LRP1B: variants seen among roughly 807,000 people sequenced by gnomAD.
LRP1B encodes the protein low-density lipoprotein receptor-related protein 1B.
LRP1B carries 217 observed loss-of-function variants against 556.6 expected under a neutral mutation model. That is an observed-to-expected ratio of 0.39 (90% confidence interval 0.35 to 0.44). LRP1B has a LOEUF of 0.44. Among genes scored for constraint, LRP1B ranks in the 20% least tolerant of loss-of-function variants. The probability of loss-of-function intolerance (pLI) is 1.00; values close to 1 mark genes in which losing one functional copy is unlikely to be tolerated. For synonymous variants in LRP1B, 2,047 were observed against 1,865.8 expected (o/e 1.10, Z -2.50); for missense variants, 5,053 against 5,620.8 (o/e 0.90, Z 3.23).
chr2:141,851,770 A>G (rs532684679), intron 1 of LRP1B, among the ~76,000 whole-genome samples: 3 of 151,886 alleles, frequency 2.0e-5, no homozygotes, highest in South Asian at 4.2e-4. Flanking sequence ...GCTTTCCGCC[A>G]CATGGACAAG....
At chr2:140,385,202 G>A (rs1391545346) in intron 67 of LRP1B, among the ~76,000 whole-genome samples, 1 of 152,076 alleles carries the variant, frequency 6.6e-6, no homozygotes, top group Non-Finnish European at 1.5e-5. Context: ...TCATGATCAT[G>A]CCACTGCTCT....
intron 43 of LRP1B, among the ~76,000 whole-genome samples, chr2:140,571,344 G>A (rs934412466): frequency 7.3e-5 from 11 of 151,526 alleles, no homozygotes; most frequent in South Asian, 4.1e-4. Flanking sequence ...TACAAAAAAT[G>A]GTAACATTTC....
At chr2:140,896,711 G>A (rs1308275574) in intron 23 of LRP1B, among the ~76,000 whole-genome samples, 3 of 152,020 alleles carry the variant, frequency 2.0e-5, no homozygotes, top group Non-Finnish European at 2.9e-5. Flanking sequence ...GAATGCCTGG[G>A]CTCAATAGAT....
At chr2:141,148,174 G>C (rs1446112730) in intron 7 of LRP1B, among the ~76,000 whole-genome samples, 1 of 152,098 alleles carries the variant, frequency 6.6e-6, no homozygotes, top group Non-Finnish European at 1.5e-5. Context: ...GTTGTGAATT[G>C]GGCCTTGTGG....
chr2:141,465,024 A>G (rs1411132874), intron 3 of LRP1B, among the ~76,000 whole-genome samples: 1 of 152,172 alleles, frequency 6.6e-6, no homozygotes, highest in East Asian at 1.9e-4. Flanking sequence ...TAGGAAATTT[A>G]CCATCAGAAG....
At chr2:141,514,423 C>T (rs988663635) in intron 2 of LRP1B, among the ~76,000 whole-genome samples, 3 of 152,104 alleles carry the variant, frequency 2.0e-5, no homozygotes, top group African/African-American at 7.2e-5. Flanking sequence ...GCTCTGCTCA[C>T]GTCTCTGGGA....
chr2:140,988,963 G>A (rs1697011100), intron 17 of LRP1B, among the ~76,000 whole-genome samples: 1 of 151,970 alleles, frequency 6.6e-6, no homozygotes, highest in Non-Finnish European at 1.5e-5. Flanking sequence ...TATACCACAA[G>A]CTGTGTATTT....
rs2104890731 is a variant in LRP1B, at chr2:140,501,715, T to C, written c.8822A>G (p.Asp2941Gly). Reference protein sequence around the residue: ...LSKKVSGCSQDCQDLPVSYKC... With the variant: ...LSKKVSGCSQGCQDLPVSYKC... The stretch of plus-strand genomic sequence containing the variant: ...ATAACTGACCGGAAGGTCTTGACAG[T>C]CTTGAGAACATCCACTGACTTTCTT... Residue 2941 changes from aspartate to glycine, a missense_variant, in exon 55 of 91, where the codon GAC becomes GGC. Transcript: ENST00000389484. The C allele has an allele frequency of 1.9e-6, 3 of 1,612,024 alleles. No homozygotes were observed. Among genetic ancestry groups the C allele is most frequent in the Non-Finnish European group, 2.5e-6 (3 of 1,178,726 alleles).
At chr2:142,078,746 T>C (rs770999087) in intron 1 of LRP1B, among the ~76,000 whole-genome samples, 1 of 152,176 alleles carries the variant, frequency 6.6e-6, no homozygotes, top group Admixed American at 6.6e-5. Context: ...CACTGTTTTG[T>C]ATAACTATAG....
chr2:140,539,146 T>C (rs1300497664), intron 45 of LRP1B, among the ~76,000 whole-genome samples: 4 of 152,262 alleles, frequency 2.6e-5, no homozygotes, highest in Non-Finnish European at 5.9e-5. Context: ...CCTAATCTTC[T>C]TGTCAACAGT....
chr2:140,357,490 A>T (rs1682280951), intron 74 of LRP1B, among the ~76,000 whole-genome samples: 1 of 151,656 alleles, frequency 6.6e-6, no homozygotes, highest in African/African-American at 2.4e-5. Context: ...AATACCAAGC[A>T]TTAGACACAA....
At chr2:140,631,244 T>A (rs566096704) in intron 41 of LRP1B, among the ~76,000 whole-genome samples, 10 of 152,156 alleles carry the variant, frequency 6.6e-5, no homozygotes, top group African/African-American at 1.9e-4. Flanking sequence ...TGATACATCA[T>A]GTCTAGCTTT....
At chr2:140,579,477 C>T (rs1373849501) in intron 43 of LRP1B, among the ~76,000 whole-genome samples, 4 of 152,172 alleles carry the variant, frequency 2.6e-5, no homozygotes, top group African/African-American at 9.6e-5. Context: ...AATTTGGACA[C>T]ATCTCCACAC....
intron 2 of LRP1B, among the ~76,000 whole-genome samples, chr2:141,783,545 C>T (rs994181816): frequency 1.4e-4 from 21 of 151,874 alleles, no homozygotes; most frequent in Non-Finnish European, 2.9e-4. Flanking sequence ...ACAACTACTG[C>T]TTGTATCTCA....
At chr2:141,608,827 CA>C (rs1435071337) in intron 2 of LRP1B, among the ~76,000 whole-genome samples, 2 of 152,034 alleles carry the variant, frequency 1.3e-5, no homozygotes, top group East Asian at 3.8e-4. Flanking sequence ...TTGCTAAACT[CA>C]TATTTGTAGC....
chr2:141,522,314 T>C (rs1684554603), intron 2 of LRP1B, among the ~76,000 whole-genome samples: 1 of 152,138 alleles, frequency 6.6e-6, no homozygotes, highest in Non-Finnish European at 1.5e-5. Flanking sequence ...TTTCCATTGA[T>C]GTTTCAGTCG....
chr2:141,126,960 A>G (rs1317636293), intron 7 of LRP1B, among the ~76,000 whole-genome samples: 1 of 152,132 alleles, frequency 6.6e-6, no homozygotes, highest in South Asian at 2.1e-4. Context: ...TGCTGCACCC[A>G]TCAACCTGCC....
intron 2 of LRP1B, among the ~76,000 whole-genome samples, chr2:141,724,270 C>T (rs1325971242): frequency 6.6e-6 from 1 of 151,738 alleles, no homozygotes; most frequent in Non-Finnish European, 1.5e-5. Context: ...GATAAAATTA[C>T]CTCATCTTAT....
chr2:141,186,512 G>T (rs149901612), intron 7 of LRP1B, among the ~76,000 whole-genome samples: 4 of 151,988 alleles, frequency 2.6e-5, no homozygotes, highest in African/African-American at 7.2e-5. Context: ...TGGCAACCAG[G>T]CCTGTATTTA....
Sources: allele counts gnomAD v4.1 joint callset (sites outside exome capture counted in the v4.1 genomes callset), GRCh38; gene constraint gnomAD v4.1.1; transcripts MANE v1.5; gene names NCBI Gene and HGNC (gene_info 2026-07-23, HGNC 2026-07-21).